Variants in GPR39 observed in about 807,000 individuals in gnomAD.
GPR39 encodes G protein-coupled receptor 39.
A neutral mutation model predicts 18.4 loss-of-function variants in GPR39; 23 were observed. That is an observed-to-expected ratio of 1.25 (90% CI 0.90 to 1.77). The LOEUF (loss-of-function observed/expected upper bound fraction) is 1.77, where lower values mean the gene tolerates loss of function less well. GPR39 is among the 40% of genes most tolerant of loss of function. GPR39 has a pLI of 0.00. For synonymous variants in GPR39, 280 were observed against 257.9 expected (o/e 1.09, Z -0.82); for missense variants, 647 against 602.4 (o/e 1.07, Z -0.78).
At chr2:132,545,494 G>A (rs1330473405) in intron 1 of GPR39, among the ~76,000 whole-genome samples, 1 of 152,148 alleles carries the variant, frequency 6.6e-6, no homozygotes, top group African/African-American at 2.4e-5. Flanking sequence ...GTCTTCAGAT[G>A]TTCTAGTTAA....
At chr2:132,558,998 T>A (rs1680201564) in intron 1 of GPR39, among the ~76,000 whole-genome samples, 1 of 152,198 alleles carries the variant, frequency 6.6e-6, no homozygotes, top group Non-Finnish European at 1.5e-5. Flanking sequence ...AGGACCTGAT[T>A]TTCATATCTA....
chr2:132,536,326 C>T (rs1030529815), intron 1 of GPR39, among the ~76,000 whole-genome samples: 3 of 152,100 alleles, frequency 2.0e-5, no homozygotes, highest in South Asian at 4.1e-4. Flanking sequence ...TCTTTATTTA[C>T]CCAGTAGTCA....
intron 1 of GPR39, among the ~76,000 whole-genome samples, chr2:132,492,143 A>T (rs1320098276): frequency 6.7e-6 from 1 of 148,676 alleles, no homozygotes; most frequent in Non-Finnish European, 1.5e-5. Flanking sequence ...CATACCATAT[A>T]TATACACCAC....
intron 1 of GPR39, among the ~76,000 whole-genome samples, chr2:132,511,552 T>A (rs1679241645): frequency 6.6e-6 from 1 of 152,120 alleles, no homozygotes. Flanking sequence ...GGTTCACAAA[T>A]CAAAAAATGT....
chr2:132,425,403 T>C (rs546782829), intron 1 of GPR39, among the ~76,000 whole-genome samples: 1 of 152,226 alleles, frequency 6.6e-6, no homozygotes, highest in Non-Finnish European at 1.5e-5. Context: ...GATTGATGGA[T>C]TGAAGTTCTC....
intron 1 of GPR39, among the ~76,000 whole-genome samples, chr2:132,486,082 C>G (rs1424637329): frequency 1.3e-5 from 2 of 152,198 alleles, no homozygotes; most frequent in Non-Finnish European, 2.9e-5. Context: ...TTGTACATCT[C>G]CATCGGAGCT....
chr2:132,627,169 C>A (rs934639610), intron 1 of GPR39, among the ~76,000 whole-genome samples: 1 of 152,152 alleles, frequency 6.6e-6, no homozygotes, highest in African/African-American at 2.4e-5. Context: ...AGGGGACTGG[C>A]CCTGTGTCCC....
At chr2:132,627,156 C>T (rs527763564) in intron 1 of GPR39, among the ~76,000 whole-genome samples, 19 of 152,184 alleles carry the variant, frequency 1.2e-4, no homozygotes, top group African/African-American at 3.9e-4. Flanking sequence ...ATGTTCATCA[C>T]GGAGGGGACT....
intron 1 of GPR39, among the ~76,000 whole-genome samples, chr2:132,586,665 C>T (rs1680737304): frequency 6.6e-6 from 1 of 152,188 alleles, no homozygotes; most frequent in Non-Finnish European, 1.5e-5. Flanking sequence ...TTTTAAACCA[C>T]AAGGTGATAG....
intron 1 of GPR39, among the ~76,000 whole-genome samples, chr2:132,529,133 C>A (rs891349494): frequency 2.0e-5 from 3 of 152,142 alleles, no homozygotes; most frequent in African/African-American, 7.2e-5. Flanking sequence ...TAGACAGCAC[C>A]TGGAAAATCG....
At chr2:132,635,094 C>G (rs1681725561) in intron 1 of GPR39, among the ~76,000 whole-genome samples, 1 of 152,170 alleles carries the variant, frequency 6.6e-6, no homozygotes, top group South Asian at 2.1e-4. Context: ...CATTCCCACT[C>G]TTTCTTTTTC....
intron 1 of GPR39, among the ~76,000 whole-genome samples, chr2:132,559,712 C>A (rs568865755): frequency 6.6e-6 from 1 of 152,108 alleles, no homozygotes; most frequent in East Asian, 1.9e-4. Flanking sequence ...CATTTCGCAG[C>A]GTAGTCAGAA....
chr2:132,540,782 C>A (rs1261457184), intron 1 of GPR39, among the ~76,000 whole-genome samples: 1 of 152,176 alleles, frequency 6.6e-6, no homozygotes, highest in East Asian at 1.9e-4. Flanking sequence ...TAACTTGGAG[C>A]TGGGGCACCC....
chr2:132,645,068 C>G (rs1194182130), intron 1 of GPR39, 33 bp from the exon 2 acceptor site: 1 of 1,576,624 alleles, frequency 6.3e-7, no homozygotes, highest in Non-Finnish European at 8.6e-7. Context: ...TTTTTCTTTT[C>G]TCTGTCTCTC....
intron 1 of GPR39, among the ~76,000 whole-genome samples, chr2:132,472,534 T>G (rs1681051310): frequency 6.6e-6 from 1 of 152,130 alleles, no homozygotes; most frequent in Admixed American, 6.5e-5. Flanking sequence ...CAACATTTCC[T>G]GCAACTCACC....
Position 132,417,895 on chromosome 2 carries a change from CTGAG to C in GPR39, c.856+3_856+6del, listed in dbSNP as rs1481316035. 1.1e-5 allele frequency: 17 copies of C among 1,581,694 alleles called. No homozygotes were observed. Among genetic ancestry groups the C allele is most frequent in the Non-Finnish European group, 1.3e-5 (15 of 1,166,552 alleles). On this transcript the variant is annotated splice_donor_variant and coding_sequence_variant, in exon 1 of 2. Coordinates refer to ENST00000329321, the MANE Select transcript of GPR39 (RefSeq NM_001508.3). LOFTEE classifies it high-confidence loss of function. ...CGCCAGGAGGCAGACCATCATCTTC[CTGAG>C]TGAGTCCTAAGTCGGGGGCAACACG...
intron 1 of GPR39, among the ~76,000 whole-genome samples, chr2:132,601,421 G>A (rs1217522003): frequency 1.3e-5 from 2 of 152,066 alleles, no homozygotes; most frequent in Non-Finnish European, 2.9e-5. Context: ...ATTCCATCAT[G>A]ATAAAAACTC....
intron 1 of GPR39, among the ~76,000 whole-genome samples, chr2:132,508,743 C>T (rs940819475): frequency 7.2e-5 from 11 of 152,124 alleles, no homozygotes; most frequent in African/African-American, 2.7e-4. Flanking sequence ...TGCCATCAGC[C>T]CCAGGGAGCC....
chr2:132,595,369 T>C (rs956281090), intron 1 of GPR39, among the ~76,000 whole-genome samples: 5 of 120,458 alleles, frequency 4.2e-5, no homozygotes, highest in African/African-American at 1.6e-4. Context: ...CCTCATGCAG[T>C]TAGTTTGCAC....
Sources: allele counts gnomAD v4.1 joint callset (sites outside exome capture counted in the v4.1 genomes callset), GRCh38; gene constraint gnomAD v4.1.1; transcripts MANE v1.5; gene names NCBI Gene and HGNC (gene_info 2026-07-23, HGNC 2026-07-21).